KCNH3: variants seen among roughly 807,000 people sequenced by gnomAD.
KCNH3 encodes potassium voltage-gated channel subfamily H member 3, also known as voltage-gated inwardly rectifying potassium channel KCNH3.
A neutral mutation model predicts 95.6 loss-of-function variants in KCNH3; 36 were observed. The ratio of observed to expected loss-of-function variants is 0.38; its 90% CI spans 0.29 to 0.50. The LOEUF (loss-of-function observed/expected upper bound fraction) is 0.50. Ranked by LOEUF, KCNH3 falls within the 20% of genes least tolerant of loss-of-function variation. The pLI, the probability that KCNH3 is intolerant of heterozygous loss-of-function variation, is 0.95. For missense variants in KCNH3, 1,030 were observed against 1,484.1 expected (o/e 0.69, Z 5.03); for synonymous variants, 620 against 646.3 (o/e 0.96, Z 0.62).
In KCNH3 at chr12:49,549,122, G is replaced by C; in HGVS notation, c.1417G>C (p.Ala473Pro). 1 of 1,611,904 alleles carries C rather than the reference G, an allele frequency of 6.2e-7. No homozygotes were observed. Among genetic ancestry groups the C allele is most frequent in the African/African-American group, 1.3e-5 (1 of 75,006 alleles). Reference protein sequence around the residue: ...LTSVGFGNVSANTDTEKIFSI... With the variant: ...LTSVGFGNVSPNTDTEKIFSI... Reference sequence around the variant, plus strand: ...CAGCGTGGGCTTCGGCAACGTGTCCGCCAACACGGACACCGAGAAGATCTT... The same window carrying C: ...CAGCGTGGGCTTCGGCAACGTGTCCCCCAACACGGACACCGAGAAGATCTT... The change falls in exon 8 of 15, where the codon GCC (alanine) becomes CCC (proline). Residue 473 changes from alanine (A) to proline (P), a missense_variant. By Grantham distance (27) the Ala-to-Pro change is conservative. This residue lies in a region of KCNH3 where 13 missense variants were observed against 64.5 expected (regional missense o/e 0.20). Transcript: ENST00000257981.
In KCNH3 at chr12:49,541,748, C is replaced by T; in HGVS notation, c.429C>T (p.Asp143=). 6.2e-7 allele frequency: 1 copy of T among 1,614,162 alleles called. No homozygotes were observed. Among genetic ancestry groups the T allele is most frequent in the Non-Finnish European group, 8.5e-7 (1 of 1,180,030 alleles). ...ISETKNRGGP[D]RWKETGGGRR... is the part of the protein sequence containing the mutation. ...AAACCAAGAACCGAGGGGGCCCCGA[C>T]AGATGGAAGGAGACAGGTAGGTGCA... The change falls in exon 3 of 15, where the codon GAC becomes GAT. Residue 143 remains aspartate (D), a synonymous_variant. Transcript: ENST00000257981.
chr12:49,540,776 A>T lies in KCNH3; in HGVS notation c.77-123A>T, dbSNP rs965694966. On this transcript the variant is annotated intron_variant, in intron 1 of 14. Coordinates refer to ENST00000257981, the MANE Select transcript of KCNH3 (RefSeq NM_012284.3). Reference sequence around the variant, plus strand: ...GCTATTCATAAACAGCCCTGCCTTAACACACGCAGGATTCCTGGGGTTTGG... The same window carrying T: ...GCTATTCATAAACAGCCCTGCCTTATCACACGCAGGATTCCTGGGGTTTGG... 3.4e-5 allele frequency: 24 copies of T among 709,238 alleles called. No individual in the cohort carries two copies. The African/African-American group carries it at 3.9e-4, about 11-fold the overall frequency. The allele number at this position is 709,238 out of a possible 1,614,324, so 43.9% of individuals were successfully genotyped here. A position where few individuals can be genotyped will look rare whatever the true frequency, so the allele number is the denominator to read the frequency against.
At position 49,544,030 on chromosome 12, in the gene KCNH3, A is replaced by G. The variant is rs1150057; in HGVS notation, c.939A>G (p.Ala313=). 301,626 of 1,613,434 alleles carry G rather than the reference A, an allele frequency of 0.19. 33,098 individuals carry two copies. The highest frequency in any genetic ancestry group is 0.52 in the African/African-American group (39,133 of 74,980). ...CCTGGTTCCTGCTGGATGTCATCGC[A>G]GCGCTGCCCTTTGACCTGCTACATG... ...VTTWFLLDVI[A]ALPFDLLHAF... Residue 313 remains alanine (A), a synonymous_variant, in exon 6 of 15, where the codon GCA becomes GCG. Transcript: ENST00000257981.
In KCNH3 at chr12:49,549,470, G is replaced by A. The variant is rs1353363628; in HGVS notation, c.1498G>A (p.Val500Met). 6.2e-7 allele frequency: 1 copy of A among 1,613,378 alleles called. No homozygotes were observed. Among genetic ancestry groups the A allele is most frequent in the African/African-American group, 1.3e-5 (1 of 74,936 alleles). Residue 500 changes from valine (V) to methionine (M), a missense_variant, in exon 9 of 15, where the codon GTG becomes ATG. Val to Met is a conservative substitution (Grantham distance 21). Around this residue, in one of 9 missense-constraint regions of KCNH3, gnomAD observed 160 missense variants for 316.2 expected, o/e 0.51. Coordinates refer to ENST00000257981, the MANE Select transcript of KCNH3 (RefSeq NM_012284.3). ...GATGCACGCGGTGGTGTTTGGGAACGTGACGGCCATCATCCAGCGCATGTA... is the reference window on the plus strand; with the variant it reads ...GATGCACGCGGTGGTGTTTGGGAACATGACGGCCATCATCCAGCGCATGTA... ...ALMHAVVFGN[V>M]TAIIQRMYAR...
At position 49,545,442 on chromosome 12, in the gene KCNH3, G is replaced by A. The variant is rs548178031; in HGVS notation, c.1189+1060G>A. Among the ~76,000 whole-genome samples the A allele has an allele frequency of 4.7e-5, 7 of 147,968 alleles. 1 individual carries two copies. Among genetic ancestry groups the A allele is most frequent in the Admixed American group, 2.7e-4 (4 of 14,876 alleles). On this transcript the variant is annotated intron_variant, in intron 7 of 14. Coordinates refer to ENST00000257981, the MANE Select transcript of KCNH3 (RefSeq NM_012284.3). ...TTTTTTTGAGCTGTCACTCAGGCTG[G>A]AGTACAGTGGCGTGATCTAGGCTCA...
At position 49,549,651 on chromosome 12, in the gene KCNH3, C is replaced by T. The variant is rs1205211483; in HGVS notation, c.1668+11C>T. On this transcript the variant is annotated intron_variant, in intron 9 of 14. Coordinates refer to ENST00000257981, the MANE Select transcript of KCNH3 (RefSeq NM_012284.3). ...ATCGACACCACCGAGGTGCGGCCTC[C>T]GGGGCTGGGCCTGCTAGCCTTTGCT... 16 of 1,603,636 alleles carry T rather than the reference C, an allele frequency of 1.0e-5. No individual in the cohort carries two copies. Among genetic ancestry groups the T allele is most frequent in the East Asian group, 2.2e-5 (1 of 44,672 alleles).
In KCNH3 at chr12:49,557,452, G is replaced by A. The variant is rs754676448; in HGVS notation, c.2751G>A (p.Pro917=). 20 of 1,610,100 alleles carry A rather than the reference G, an allele frequency of 1.2e-5. 1 individual carries two copies. The Admixed American group carries it at 1.5e-4, about 12-fold the overall frequency. The change falls in exon 15 of 15, where the codon CCG becomes CCA. Residue 917 remains proline, a synonymous_variant. Coordinates refer to ENST00000257981, the MANE Select transcript of KCNH3 (RefSeq NM_012284.3). ...QLVLAPHREG[P]CPRASGEGPC... ...TCCTGGCGCCCCACAGGGAGGGTCC[G>A]TGCCCTCGGGCATCGGGAGAGGGGC...
chr12:49,557,330 C>T lies in KCNH3; in HGVS notation c.2653-24C>T, dbSNP rs200369399. The T allele has an allele frequency of 1.5e-5, 24 of 1,611,316 alleles. No individual in the cohort carries two copies. In the African/African-American group the frequency reaches 3.1e-4, roughly 21 times the overall value. ...CACTCCATGGCTGACTCCATTCTGA[C>T]CTCGCCTCCTCCCTCCCCCAAAGGT... On this transcript the variant is annotated intron_variant, in intron 14 of 14. Transcript: ENST00000257981.
intron 13 of KCNH3, chr12:49,556,685 T>C (rs1464605275): frequency 1.4e-6 from 1 of 698,052 alleles, no homozygotes; most frequent in Non-Finnish European, 2.6e-6. Context: ...AGGAACTGGG[T>C]TTATATCCTT....
intron 7 of KCNH3, among the ~76,000 whole-genome samples, chr12:49,547,687 C>A (rs1190731783): frequency 6.6e-6 from 1 of 152,094 alleles, no homozygotes; most frequent in Non-Finnish European, 1.5e-5. Context: ...GTGTGCGGGC[C>A]ACAGGACCCA....
chr12:49,557,868 A>G lies in KCNH3; in HGVS notation c.3167A>G (p.Asp1056Gly). ...PGSGGLALPW[D>G]PHSLEMVLIG... ...TCAGGGGGCCTGGCCTTGCCCTGGG[A>G]CCCCCACAGCCTGGAGATGGTGCTT... The change falls in exon 15 of 15, where the codon GAC becomes GGC. Residue 1056 changes from aspartate to glycine, a missense_variant. Asp to Gly is a moderately conservative substitution (Grantham distance 94, BLOSUM62 -1). Transcript: ENST00000257981. 1 of 1,577,520 alleles carries G rather than the reference A, an allele frequency of 6.3e-7. No individual in the cohort carries two copies.
chr12:49,556,412 C>T lies in KCNH3; in HGVS notation c.2511C>T (p.Pro837=). ...GIEDGCGSDQ[P]KFSFRVGQSG... ...AAGACGGCTGTGGCTCGGACCAGCC[C>T]AAGTTCTCTTTCCGCGTGGGCCAGT... Residue 837 remains proline, a synonymous_variant, in exon 13 of 15, where the codon CCC becomes CCT. Transcript: ENST00000257981. The T allele has an allele frequency of 6.2e-7, 1 of 1,614,066 alleles. No individual in the cohort carries two copies. Among genetic ancestry groups the T allele is most frequent in the Non-Finnish European group, 8.5e-7 (1 of 1,179,980 alleles).
chr12:49,549,266 G>T lies in KCNH3; in HGVS notation c.1468+93G>T, dbSNP rs1246709969. On this transcript the variant is annotated intron_variant, in intron 8 of 14. Transcript: ENST00000257981. ...ACTCCCCGGAGGGCCTGAGGCCGGG[G>T]GCTCTTCCGCTTTAGGTGGCCGCGG... is the stretch of plus-strand genomic sequence containing the variant. The T allele has an allele frequency of 3.4e-6, 5 of 1,488,466 alleles. No individual in the cohort carries two copies. The African/African-American group carries it at 5.6e-5, about 17-fold the overall frequency. 92.2% of individuals were successfully genotyped at this position (1,488,466 alleles called of 1,614,324 possible). A position where few individuals can be genotyped will look rare whatever the true frequency, so the allele number is the denominator to read the frequency against.
chr12:49,549,310 G>C (rs1938176918), intron 8 of KCNH3, 131 bp from the exon 9 acceptor site: 1 of 1,455,458 alleles, frequency 6.9e-7, no homozygotes. Context: ...GCCGGGGGTG[G>C]GGGAGACTTC....
Position 49,554,551 on chromosome 12 carries a change from A to G in KCNH3, c.2133A>G (p.Ala711=), listed in dbSNP as rs754642535. Residue 711 remains alanine, a synonymous_variant, in exon 11 of 15, where the codon GCA becomes GCG. Coordinates refer to ENST00000257981, the MANE Select transcript of KCNH3 (RefSeq NM_012284.3). ...SYNLGAGGGS[A]EVDTSSLSGD... is the part of the protein sequence containing the mutation. ...ACCTGGGTGCTGGGGGAGGCTCTGC[A>G]GAGGTGAGTGTGCTGAGTATGTGCT... The G allele has an allele frequency of 1.4e-5, 23 of 1,611,456 alleles. No homozygotes were observed. The highest frequency in any genetic ancestry group is 2.0e-5 in the Non-Finnish European group (23 of 1,178,626).
At position 49,550,250 on chromosome 12, in the gene KCNH3, C is replaced by A. The variant is rs1169507652; in HGVS notation, c.1839C>A (p.Gly613=). 30 of 1,609,872 alleles carry A rather than the reference C, an allele frequency of 1.9e-5. No individual in the cohort carries two copies. The highest frequency in any genetic ancestry group is 2.5e-5 in the Non-Finnish European group (29 of 1,179,986). The change falls in exon 10 of 15, where the codon GGC becomes GGA. Residue 613 remains glycine (G), a synonymous_variant. Coordinates refer to ENST00000257981, the MANE Select transcript of KCNH3 (RefSeq NM_012284.3). ...CTPGEYLIHQ[G]DALQALYFVC... is the part of the protein sequence containing the mutation. ...CGGGCGAGTACCTCATCCACCAAGG[C>A]GATGCCCTGCAGGCCCTCTACTTTG... is the stretch of plus-strand genomic sequence containing the variant.
rs916193597 is a variant in KCNH3 at position 49,558,136 on chromosome 12, TG to T, written c.*187del. The T allele has an allele frequency of 3.4e-6, 2 of 587,094 alleles. No individual in the cohort carries two copies. Among genetic ancestry groups the T allele is most frequent in the Non-Finnish European group, 5.1e-6 (2 of 389,118 alleles). The allele number at this position is 587,094 out of a possible 1,614,324, so 36.4% of individuals were successfully genotyped here. A position where few individuals can be genotyped will look rare whatever the true frequency, so the allele number is the denominator to read the frequency against. On this transcript the variant is annotated 3_prime_UTR_variant, in exon 15 of 15. Coordinates refer to ENST00000257981, the MANE Select transcript of KCNH3 (RefSeq NM_012284.3). ...TCTCAGAGAGGATAGGCTGGATCCC[TG>T]GGGCAGGCCTCTCCTCGGCCTGCTC...
chr12:49,541,679 A>G lies in KCNH3; in HGVS notation c.360A>G (p.Lys120=). ...LLDVIPIKNE[K]GEVALFLVSH... is the part of the protein sequence containing the mutation. ...ATGTGATACCCATAAAGAATGAGAA[A>G]GGGGAGGTGGCTCTCTTCCTAGTCT... Residue 120 remains lysine, a synonymous_variant, in exon 3 of 15, where the codon AAA becomes AAG. Transcript: ENST00000257981. The G allele has an allele frequency of 6.2e-7, 1 of 1,614,222 alleles. No homozygotes were observed. The highest frequency in any genetic ancestry group is 8.5e-7 in the Non-Finnish European group (1 of 1,180,032).
In KCNH3 at chr12:49,539,397, G is replaced by A; in HGVS notation, c.-20G>A. 6.5e-7 allele frequency: 1 copy of A among 1,527,600 alleles called. No homozygotes were observed. Among genetic ancestry groups the A allele is most frequent in the Non-Finnish European group, 8.7e-7 (1 of 1,143,664 alleles). The allele number at this position is 1,527,600 out of a possible 1,614,324, so 94.6% of individuals were successfully genotyped here. A position where few individuals can be genotyped will look rare whatever the true frequency, so the allele number is the denominator to read the frequency against. ...CCCCGCACCCCGGAGGGATGGGGCG[G>A]GCAGCCGCGGGCGCCTAAGATGCCG... is the stretch of plus-strand genomic sequence containing the variant. On this transcript the variant is annotated 5_prime_UTR_variant, in exon 1 of 15. Coordinates refer to ENST00000257981, the MANE Select transcript of KCNH3 (RefSeq NM_012284.3). The surrounding 1 kb of genome is among the most constrained non-coding windows in gnomAD (Gnocchi z 6.7).
Sources: gnomAD v4.1 joint callset for allele counts (sites outside exome capture counted in the v4.1 genomes callset) on GRCh38, gnomAD v4.1.1 for gene constraint, gnomAD v4.1.1 regional missense constraint, Gnocchi (gnomAD v3.1) non-coding constraint, MANE v1.5 for transcripts, NCBI Gene and HGNC (gene_info 2026-07-23, HGNC 2026-07-21) for gene names.